LSG1: variants seen among roughly 807,000 people sequenced by gnomAD.
LSG1 encodes large subunit GTPase 1 homolog.
A neutral mutation model predicts 82.6 loss-of-function variants in LSG1; 55 were observed. That is an observed-to-expected ratio of 0.67 (90% CI 0.54 to 0.83). The LOEUF (loss-of-function observed/expected upper bound fraction) is 0.83. Ranked by LOEUF, LSG1 falls within the 40% of genes least tolerant of loss-of-function variation. LSG1 has a pLI of 0.00. For synonymous variants in LSG1, 272 were observed against 282.5 expected (o/e 0.96, Z 0.37); for missense variants, 809 against 807.9 (o/e 1.00, Z -0.02).
chr3:194,656,528 G>A (rs906019270), intron 7 of LSG1, among the ~76,000 whole-genome samples: 3 of 152,042 alleles, frequency 2.0e-5, no homozygotes, highest in African/African-American at 7.2e-5. Flanking sequence ...GGAGAAATAG[G>A]AAAACTTTTA....
At chr3:194,645,587 C>T (rs1323639615) in intron 12 of LSG1, among the ~76,000 whole-genome samples, 1 of 92,286 alleles carries the variant, frequency 1.1e-5, no homozygotes, top group African/African-American at 4.8e-5. Context: ...CACACACACA[C>T]ACACACACAC....
intron 7 of LSG1, among the ~76,000 whole-genome samples, chr3:194,654,694 G>A (rs1044890592): frequency 6.6e-6 from 1 of 152,148 alleles, no homozygotes; most frequent in Non-Finnish European, 1.5e-5. Flanking sequence ...ACATGAATGT[G>A]TAGTAGAAAA....
At chr3:194,656,501 G>A (rs1440028016) in intron 7 of LSG1, among the ~76,000 whole-genome samples, 2 of 151,948 alleles carry the variant, frequency 1.3e-5, no homozygotes, top group East Asian at 3.9e-4. Flanking sequence ...GGAAACAACA[G>A]GTGCTGGAGA....
intron 1 of LSG1, 121 bp from the exon 2 acceptor site, chr3:194,670,256 CAAT>C: frequency 1.1e-6 from 1 of 880,310 alleles, no homozygotes; most frequent in Non-Finnish European, 1.8e-6. Context: ...CCTTTAGAAT[CAAT>C]ACTACTTATA....
chr3:194,666,597 T>C, intron 2 of LSG1, 25 bp from the exon 3 acceptor site: 3 of 1,598,538 alleles, frequency 1.9e-6, no homozygotes, highest in Non-Finnish European at 2.6e-6. Flanking sequence ...AAAAGTACTA[T>C]TACTTAAGAG....
Position 194,672,058 on chromosome 3 carries a change from T to C in LSG1, c.99+6A>G. ...AAGATAAGAAAGATGACATGGTCTG[T>C]CTTACCCAGGAGTCAGTGTGACGAT... is the stretch of plus-strand genomic sequence containing the variant. On this transcript the variant is annotated splice_donor_region_variant and intron_variant, in intron 1 of 13. Coordinates refer to ENST00000265245, the MANE Select transcript of LSG1 (RefSeq NM_018385.3). 4 of 1,611,374 alleles carry C rather than the reference T, an allele frequency of 2.5e-6. No individual in the cohort carries two copies. The highest frequency in any genetic ancestry group is 3.4e-6 in the Non-Finnish European group (4 of 1,178,894).
rs889476891 is a variant in LSG1, at chr3:194,642,139, G to A, written c.1906C>T (p.Pro636Ser). The A allele has an allele frequency of 4.3e-6, 7 of 1,613,552 alleles. No individual in the cohort carries two copies. The highest frequency in any genetic ancestry group is 4.0e-5 in the African/African-American group (3 of 74,808). ...TTTCTGTTGCCATGTTTTTTCCAGG[G>A]CTTCCCCGCCCCGTTCTCAGAGCTC... ...TASSENGAGK[P>S]WKKHGNRNKK... Residue 636 changes from proline to serine, a missense_variant, in exon 14 of 14, where the codon CCC (proline) becomes TCC (serine). By Grantham distance (74) the Pro-to-Ser change is moderately conservative (BLOSUM62 -1). Transcript: ENST00000265245.
intron 7 of LSG1, among the ~76,000 whole-genome samples, chr3:194,656,704 T>C (rs1378638224): frequency 6.6e-6 from 1 of 152,016 alleles, no homozygotes; most frequent in Admixed American, 6.6e-5. Context: ...CACACGTATG[T>C]TTATTGCAGC....
At position 194,658,958 on chromosome 3, in the gene LSG1, T is replaced by C; in HGVS notation, c.758A>G (p.Glu253Gly). Residue 253 changes from glutamate (E) to glycine (G), a missense_variant and splice_region_variant, in exon 7 of 14, where the codon GAG becomes GGG. Coordinates refer to ENST00000265245, the MANE Select transcript of LSG1 (RefSeq NM_018385.3). ...AGAIPLNGDS[E>G]EEANRDDRQS... ...AACCTAAAATGTCCCTCAGGTTACC[T>C]CAGAGTCACCATTCAGGGGAATGGC... 1 of 1,612,300 alleles carries C rather than the reference T, an allele frequency of 6.2e-7. No individual in the cohort carries two copies. The highest frequency in any genetic ancestry group is 8.5e-7 in the Non-Finnish European group (1 of 1,178,824).
intron 7 of LSG1, among the ~76,000 whole-genome samples, chr3:194,657,260 T>C (rs1478487625): frequency 1.3e-5 from 2 of 151,254 alleles, no homozygotes; most frequent in African/African-American, 4.9e-5. Context: ...TCCTTGGACC[T>C]AGCCTGTTCA....
rs745712258 is a variant in LSG1 at position 194,666,568 on chromosome 3, T to C, written c.231A>G (p.Lys77=). 6.2e-7 allele frequency: 1 copy of C among 1,610,794 alleles called. No homozygotes were observed. Among genetic ancestry groups the C allele is most frequent in the Non-Finnish European group, 8.5e-7 (1 of 1,178,096 alleles). ...CAGCAGGCACAAACTTAATATTAAG[T>C]TTCTCTGTTCAAATAAAGAAAAGTA... ...ELAGTEFVAE[K]LNIKFVPAEA... The change falls in exon 3 of 14, where the codon AAA becomes AAG. Residue 77 remains lysine, a synonymous_variant. Transcript: ENST00000265245.
intron 13 of LSG1, among the ~76,000 whole-genome samples, chr3:194,643,597 G>A (rs1250310467): frequency 6.6e-6 from 1 of 152,198 alleles, no homozygotes; most frequent in African/African-American, 2.4e-5. Flanking sequence ...CTACATCACT[G>A]GGAGTAATGT....
intron 5 of LSG1, among the ~76,000 whole-genome samples, chr3:194,663,920 T>A (rs1374130159): frequency 6.6e-6 from 1 of 152,172 alleles, no homozygotes; most frequent in Non-Finnish European, 1.5e-5. Flanking sequence ...TCAAGTGACT[T>A]TGTCATCACC....
At chr3:194,647,962 A>T (rs963722542) in intron 11 of LSG1, among the ~76,000 whole-genome samples, 1 of 151,366 alleles carries the variant, frequency 6.6e-6, no homozygotes, top group Non-Finnish European at 1.5e-5. Flanking sequence ...ATATCAAATC[A>T]CCTTTCACCT....
At chr3:194,665,468 A>G in intron 5 of LSG1, 89 bp downstream of exon 5, 1 of 833,738 alleles carries the variant, frequency 1.2e-6, no homozygotes, top group Non-Finnish European at 2.0e-6. Context: ...TAATTCCCAT[A>G]CCCTGAGCCT....
intron 8 of LSG1, among the ~76,000 whole-genome samples, chr3:194,651,832 C>T (rs1718680506): frequency 1.3e-5 from 2 of 152,330 alleles, no homozygotes; most frequent in Admixed American, 6.5e-5. Context: ...CATTAAGCAA[C>T]TTTCCCCGTG....
rs759186466 is a variant in LSG1 at position 194,642,044 on chromosome 3, T to C, written c.*24A>G. 1.9e-6 allele frequency: 3 copies of C among 1,609,866 alleles called. No individual in the cohort carries two copies. Among genetic ancestry groups the C allele is most frequent in the South Asian group, 2.2e-5 (2 of 90,768 alleles). ...CTCTTTTCCATCTGCACAATGCAGA[T>C]GACATTTCTGTTGCAGCCCAACCTC... On this transcript the variant is annotated 3_prime_UTR_variant, in exon 14 of 14. Transcript: ENST00000265245.
intron 5 of LSG1, among the ~76,000 whole-genome samples, chr3:194,661,511 C>T (rs561725355): frequency 6.6e-6 from 1 of 152,318 alleles, no homozygotes; most frequent in South Asian, 2.1e-4. Context: ...GTCTACACAG[C>T]ACAATGGAAG....
rs1718399589 is a variant in LSG1, at chr3:194,641,912, T to G, written c.*156A>C. 1 of 690,326 alleles carries G rather than the reference T, an allele frequency of 1.4e-6. No individual in the cohort carries two copies. The highest frequency in any genetic ancestry group is 2.3e-6 in the Non-Finnish European group (1 of 432,182). 42.8% of individuals were successfully genotyped at this position (690,326 alleles called of 1,614,324 possible). A position where few individuals can be genotyped will look rare whatever the true frequency, so the allele number is the denominator to read the frequency against. On this transcript the variant is annotated 3_prime_UTR_variant, in exon 14 of 14. Coordinates refer to ENST00000265245, the MANE Select transcript of LSG1 (RefSeq NM_018385.3). ...AGAGTTGGTGTTTCCAGGAGGCCCT[T>G]GGTCTTGACATGGAGACTGTTGGGT...
Sources: gnomAD v4.1 joint callset for allele counts (sites outside exome capture counted in the v4.1 genomes callset) on GRCh38, gnomAD v4.1.1 for gene constraint, MANE v1.5 for transcripts, NCBI Gene and HGNC (gene_info 2026-07-23, HGNC 2026-07-21) for gene names.